CEP89: variants seen among roughly 807,000 people sequenced by gnomAD.
CEP89 encodes the protein centrosomal protein 89.
A neutral mutation model predicts 97.6 loss-of-function variants in CEP89; 95 were observed. The observed-to-expected ratio is 0.97, with a 90% confidence interval of 0.82 to 1.15. The LOEUF (loss-of-function observed/expected upper bound fraction) is 1.15, where lower values mean the gene tolerates loss of function less well. Ranked by LOEUF, CEP89 falls within the 50% of genes most tolerant of loss-of-function variation. The pLI is 0.00. For synonymous variants in CEP89, 354 were observed against 349.1 expected (o/e 1.01, Z -0.16); for missense variants, 869 against 947.7 (o/e 0.92, Z 1.09).
At chr19:32,966,150 T>A in intron 2 of CEP89, 1 of 393,908 alleles carries the variant, frequency 2.5e-6, no homozygotes, top group Admixed American at 4.4e-5. Context: ...GAGAAGTTCA[T>A]GCACCTGAAA....
Position 32,915,361 on chromosome 19 carries a change from T to C in CEP89, c.1541A>G (p.Lys514Arg). Residue 514 changes from lysine to arginine, a missense_variant, in exon 14 of 19, where the codon AAA (lysine) becomes AGA (arginine). By Grantham distance (26) the Lys-to-Arg change is conservative. Coordinates refer to ENST00000305768, the MANE Select transcript of CEP89 (RefSeq NM_032816.5). Reference sequence around the variant, plus strand: ...CCTTTTTAATTCATTCACAATTGATTTATGAACTTCCACTGCGATTTTGCC... The same window carrying C: ...CCTTTTTAATTCATTCACAATTGATCTATGAACTTCCACTGCGATTTTGCC... ...SDGKIAVEVH[K>R]SIVNELKSQL... is the part of the protein sequence containing the mutation. 6.2e-7 allele frequency: 1 copy of C among 1,605,510 alleles called. No homozygotes were observed. Among genetic ancestry groups the C allele is most frequent in the Middle Eastern group, 1.7e-4 (1 of 6,030 alleles).
intron 14 of CEP89, among the ~76,000 whole-genome samples, chr19:32,902,010 C>CTCTCTCTGTGTGTGTGTG (rs1207481256): frequency 7.5e-6 from 1 of 133,730 alleles, no homozygotes; most frequent in Admixed American, 7.6e-5. Flanking sequence ...CTCTCTCTCT[C>CTCTCTCTGTGTGTGTGTG]TGTGTGTGTG....
rs187656572 is a variant in CEP89, at chr19:32,892,045, C to T, written c.1876-4204G>A. Among the ~76,000 whole-genome samples the T allele has an allele frequency of 2.3e-4, 34 of 149,758 alleles. No homozygotes were observed. In the East Asian group the frequency reaches 3.9e-3, roughly 17 times the overall value. On this transcript the variant is annotated intron_variant, in intron 16 of 18. Coordinates refer to ENST00000305768, the MANE Select transcript of CEP89 (RefSeq NM_032816.5). ...TCAGGTTCCCAAAAAGGTCTTCTCC[C>T]GACGACATTATAGTCAAACTGTCAG...
At chr19:32,922,552 A>G (rs1237497904) in intron 12 of CEP89, among the ~76,000 whole-genome samples, 2 of 151,454 alleles carry the variant, frequency 1.3e-5, no homozygotes, top group Non-Finnish European at 1.5e-5. Flanking sequence ...CTAAAAAAAC[A>G]TAAGAAACAG....
At chr19:32,951,283 C>T (rs1045723560) in intron 4 of CEP89, among the ~76,000 whole-genome samples, 2 of 152,018 alleles carry the variant, frequency 1.3e-5, no homozygotes, top group Admixed American at 6.6e-5. Flanking sequence ...GTCAGGAGTT[C>T]GAGACCATCC....
intron 5 of CEP89, among the ~76,000 whole-genome samples, chr19:32,941,865 G>A (rs1970693565): frequency 6.6e-6 from 1 of 152,128 alleles, no homozygotes; most frequent in Non-Finnish European, 1.5e-5. Context: ...TCTGACACAC[G>A]GCTGGCACTG....
rs1555795370 is a variant in CEP89 at position 32,958,015 on chromosome 19, C to CA, written c.305+1884_305+1885insT. ...TGTGTCAAAACAAAACAAAAAAATCCCCCCCCCGCCAAAAAATAAAATACA... is the reference window on the plus strand; with the variant it reads ...TGTGTCAAAACAAAACAAAAAAATCCACCCCCCCGCCAAAAAATAAAATACA... On this transcript the variant is annotated intron_variant, in intron 3 of 18. Transcript: ENST00000305768. 1.3e-5 allele frequency among the ~76,000 whole-genome samples: 2 copies of CA among 148,370 alleles called. 1 individual carries two copies. Among genetic ancestry groups the CA allele is most frequent in the Non-Finnish European group, 3.0e-5 (2 of 67,210 alleles).
intron 14 of CEP89, among the ~76,000 whole-genome samples, chr19:32,903,328 A>G (rs1969821618): frequency 6.6e-6 from 1 of 152,206 alleles, no homozygotes; most frequent in Non-Finnish European, 1.5e-5. Context: ...CATAAAATCT[A>G]CACCATCCAG....
chr19:32,882,147 C>T, intron 17 of CEP89, 134 bp from the exon 18 acceptor site: 1 of 706,720 alleles, frequency 1.4e-6, no homozygotes, highest in Non-Finnish European at 2.3e-6. Flanking sequence ...TAAGTTTGGT[C>T]TGGGATTGCA....
At chr19:32,892,514 C>T (rs1354253970) in intron 16 of CEP89, among the ~76,000 whole-genome samples, 1 of 151,464 alleles carries the variant, frequency 6.6e-6, no homozygotes, top group Admixed American at 6.6e-5. Flanking sequence ...CCATGTTGGC[C>T]GGGCTGGTCT....
intron 8 of CEP89, among the ~76,000 whole-genome samples, chr19:32,932,886 G>A (rs1386561722): frequency 6.6e-6 from 1 of 152,104 alleles, no homozygotes; most frequent in Non-Finnish European, 1.5e-5. Context: ...GGAGTTCAAG[G>A]TTATAGTGAG....
intron 16 of CEP89, among the ~76,000 whole-genome samples, chr19:32,891,105 C>T (rs112432987): frequency 2.0e-5 from 3 of 152,288 alleles, no homozygotes; most frequent in African/African-American, 7.2e-5. Context: ...AGCAAGGGAG[C>T]CGAAGCAAGT....
chr19:32,906,475 G>A (rs1283657292), intron 14 of CEP89, among the ~76,000 whole-genome samples: 1 of 151,984 alleles, frequency 6.6e-6, no homozygotes, highest in Non-Finnish European at 1.5e-5. Flanking sequence ...TATTATTGTT[G>A]TGCCTTTTAA....
At chr19:32,909,628 T>C (rs777810746) in intron 14 of CEP89, among the ~76,000 whole-genome samples, 1 of 152,168 alleles carries the variant, frequency 6.6e-6, no homozygotes, top group Non-Finnish European at 1.5e-5. Context: ...GTACAGTCAC[T>C]AAATAAGAGC....
chr19:32,886,621 C>T (rs759976604), intron 17 of CEP89, among the ~76,000 whole-genome samples: 1 of 152,226 alleles, frequency 6.6e-6, no homozygotes, highest in African/African-American at 2.4e-5. Context: ...GTGTCTCCTC[C>T]GGGTGAGCCG....
At chr19:32,935,771 G>A (rs1021355295) in intron 7 of CEP89, among the ~76,000 whole-genome samples, 10 of 152,074 alleles carry the variant, frequency 6.6e-5, no homozygotes, top group African/African-American at 9.7e-5. Context: ...CAGGAGCCCC[G>A]GCCCTCCCTG....
At chr19:32,963,247 T>A (rs994941636) in intron 2 of CEP89, among the ~76,000 whole-genome samples, 2 of 152,006 alleles carry the variant, frequency 1.3e-5, no homozygotes, top group Non-Finnish European at 2.9e-5. Context: ...TCCCAGCTAC[T>A]TAGGAGGCTG....
intron 16 of CEP89, 105 bp downstream of exon 16, chr19:32,899,752 G>C (rs547465480): frequency 2.4e-5 from 27 of 1,108,496 alleles, no homozygotes; most frequent in Admixed American, 4.5e-5. Context: ...GTAAGTCAGG[G>C]AATGCCTGGA....
chr19:32,897,959 G>C (rs1969679052), intron 16 of CEP89, among the ~76,000 whole-genome samples: 1 of 152,154 alleles, frequency 6.6e-6, no homozygotes, highest in African/African-American at 2.4e-5. Flanking sequence ...AGCCATTATG[G>C]AAAACAGTGT....
Sources: gnomAD v4.1 joint callset for allele counts (sites outside exome capture counted in the v4.1 genomes callset) on GRCh38, gnomAD v4.1.1 for gene constraint, MANE v1.5 for transcripts, NCBI Gene and HGNC (gene_info 2026-07-23, HGNC 2026-07-21) for gene names.